CAMK2G: variants seen among roughly 807,000 people sequenced by gnomAD.
CAMK2G encodes calcium/calmodulin-dependent protein kinase type II subunit gamma.
CAMK2G carries 23 observed loss-of-function variants against 88.7 expected under a neutral mutation model. The observed-to-expected ratio is 0.26, with a 90% CI of 0.19 to 0.37. The LOEUF is 0.37. Ranked by LOEUF, CAMK2G falls within the 10% of genes least tolerant of loss-of-function variation. The pLI is 1.00. For missense variants in CAMK2G, 476 were observed against 780.8 expected (o/e 0.61, Z 4.65); for synonymous variants, 263 against 294.8 (o/e 0.89, Z 1.11).
intron 10 of CAMK2G, among the ~76,000 whole-genome samples, chr10:73,843,430 T>A (rs1302807106): frequency 4.6e-5 from 7 of 152,082 alleles, no homozygotes; most frequent in Admixed American, 3.3e-4. Flanking sequence ...TTAAACAGAG[T>A]CCATGGGACA....
At chr10:73,822,585 T>TC (rs2089339195) in intron 17 of CAMK2G, among the ~76,000 whole-genome samples, 1 of 152,210 alleles carries the variant, frequency 6.6e-6, no homozygotes, top group African/African-American at 2.4e-5. Context: ...AAATGCAAAC[T>TC]CCTACAAGGG....
chr10:73,834,729 A>G (rs555078246), intron 14 of CAMK2G, among the ~76,000 whole-genome samples: 8 of 152,352 alleles, frequency 5.3e-5, no homozygotes, highest in African/African-American at 1.9e-4. Context: ...CCTCCAGAAC[A>G]TGAATTCCAA....
chr10:73,837,787 C>T (rs1015059511), intron 13 of CAMK2G, among the ~76,000 whole-genome samples: 1 of 152,136 alleles, frequency 6.6e-6, no homozygotes, highest in Admixed American at 6.5e-5. Context: ...ACTGGAGCCG[C>T]CTGGGGCACT....
At chr10:73,856,410 T>C (rs1252658099) in intron 3 of CAMK2G, among the ~76,000 whole-genome samples, 2 of 152,226 alleles carry the variant, frequency 1.3e-5, no homozygotes, top group African/African-American at 4.8e-5. Context: ...GTGGCCATTC[T>C]GACTGGCTCG....
At chr10:73,832,693 G>C (rs531513744) in intron 14 of CAMK2G, among the ~76,000 whole-genome samples, 2 of 152,282 alleles carry the variant, frequency 1.3e-5, no homozygotes, top group African/African-American at 2.4e-5. Context: ...CTACGGTCAT[G>C]AAAATTAATA....
chr10:73,849,129 A>C lies in CAMK2G; in HGVS notation c.415-14T>G. 2 of 1,609,686 alleles carry C rather than the reference A, an allele frequency of 1.2e-6. No individual in the cohort carries two copies. Among genetic ancestry groups the C allele is most frequent in the Non-Finnish European group, 1.7e-6 (2 of 1,175,950 alleles). ...CAGGTTCTCAGGCTGCAGAAGAAAC[A>C]CAGAGAACCTTGTGAGCACCCACCC... On this transcript the variant is annotated splice_polypyrimidine_tract_variant and intron_variant, in intron 6 of 22. Coordinates refer to ENST00000423381, the MANE Select transcript of CAMK2G (RefSeq NM_001367534.1).
At chr10:73,867,600 G>A (rs891982530) in intron 2 of CAMK2G, among the ~76,000 whole-genome samples, 3 of 152,190 alleles carry the variant, frequency 2.0e-5, no homozygotes, top group Non-Finnish European at 4.4e-5. Context: ...GGCTGCTGCT[G>A]ATAGGGCCCA....
intron 2 of CAMK2G, among the ~76,000 whole-genome samples, chr10:73,863,754 G>A (rs895776085): frequency 7.9e-5 from 12 of 152,218 alleles, no homozygotes; most frequent in African/African-American, 2.7e-4. Context: ...TGAGTGGAGA[G>A]AAGATACACA....
At chr10:73,854,867 C>T (rs192848831) in intron 3 of CAMK2G, among the ~76,000 whole-genome samples, 12 of 152,274 alleles carry the variant, frequency 7.9e-5, no homozygotes, top group Non-Finnish European at 1.6e-4. Context: ...AGACTGTTTC[C>T]GCATCCCATT....
chr10:73,831,432 G>A (rs2092411760), intron 14 of CAMK2G, among the ~76,000 whole-genome samples: 1 of 151,508 alleles, frequency 6.6e-6, no homozygotes, highest in African/African-American at 2.4e-5. Context: ...CAGCTACTTG[G>A]GAGGCTGAGG....
At position 73,848,106 on chromosome 10, in the gene CAMK2G, A is replaced by T. The variant is rs372728029; in HGVS notation, c.602-24T>A. On this transcript the variant is annotated intron_variant, in intron 8 of 22. Transcript: ENST00000423381. This position sits in a 1 kb window ranked among gnomAD's most constrained non-coding sequence, Gnocchi z 4.5. ...CCCTACGAGACAGAACACACAGGTCATGGGGGTCAGTCGCCTACTTCCCTG... is the reference window on the plus strand; with the variant it reads ...CCCTACGAGACAGAACACACAGGTCTTGGGGGTCAGTCGCCTACTTCCCTG... The T allele has an allele frequency of 7.1e-7, 1 of 1,411,148 alleles. No individual in the cohort carries two copies. The highest frequency in any genetic ancestry group is 2.3e-5 in the East Asian group (1 of 43,924). The allele number at this position is 1,411,148 out of a possible 1,614,324, so 87.4% of individuals were successfully genotyped here.
intron 3 of CAMK2G, 138 bp from the exon 4 acceptor site, chr10:73,853,384 G>A (rs1367411713): frequency 1.4e-5 from 10 of 728,062 alleles, no homozygotes; most frequent in Admixed American, 4.8e-5. Flanking sequence ...GGGAAGTGGC[G>A]ACGTGCCCAG....
chr10:73,865,505 C>G (rs1419384871), intron 2 of CAMK2G, among the ~76,000 whole-genome samples: 1 of 152,242 alleles, frequency 6.6e-6, no homozygotes, highest in Non-Finnish European at 1.5e-5. Context: ...CCTGTCTCTT[C>G]CCCTGACACT....
chr10:73,827,405 T>C (rs2091301501), intron 15 of CAMK2G, among the ~76,000 whole-genome samples: 1 of 152,184 alleles, frequency 6.6e-6, no homozygotes, highest in South Asian at 2.1e-4. Context: ...GGTCTTGATC[T>C]CCTGACCTTG....
intron 22 of CAMK2G, chr10:73,814,708 C>T: frequency 2.6e-6 from 1 of 378,696 alleles, no homozygotes; most frequent in Non-Finnish European, 4.9e-6. Context: ...TTACTTAATC[C>T]TCACAATGAT....
intron 14 of CAMK2G, among the ~76,000 whole-genome samples, chr10:73,829,940 A>C (rs1473664503): frequency 6.6e-6 from 1 of 152,190 alleles, no homozygotes; most frequent in Non-Finnish European, 1.5e-5. Context: ...CTTGCACTGA[A>C]TCACGGCAGC....
chr10:73,839,585 G>T lies in CAMK2G; in HGVS notation c.963C>A (p.Ser321=). Reference sequence around the variant, plus strand: ...CGCTCGCGGCAGGCGAGGCGGGGGCGGAGCTCTGCCTGCCAACTGAGGGGA... The same window carrying T: ...CGCTCGCGGCAGGCGAGGCGGGGGCTGAGCTCTGCCTGCCAACTGAGGGGA... The part of the protein sequence containing the change: ...SRNFSVGRQS[S]APASPAASAA... Residue 321 remains serine, a synonymous_variant, in exon 13 of 23, where the codon TCC becomes TCA. Coordinates refer to ENST00000423381, the MANE Select transcript of CAMK2G (RefSeq NM_001367534.1). The surrounding 1 kb of genome is among the most constrained non-coding windows in gnomAD (Gnocchi z 4.2). The T allele has an allele frequency of 2.4e-6, 3 of 1,233,636 alleles. No individual in the cohort carries two copies. Among genetic ancestry groups the T allele is most frequent in the Non-Finnish European group, 3.0e-6 (3 of 987,400 alleles). 76.4% of individuals were successfully genotyped at this position (1,233,636 alleles called of 1,614,324 possible).
chr10:73,848,490 T>C lies in CAMK2G; in HGVS notation c.601+36A>G, dbSNP rs1296379799. ...GCCATCATCGGAAGTTGAGGGCCCTTAACAGCGAAAAGCTGAGAGCGTGGA... is the reference window on the plus strand; with the variant it reads ...GCCATCATCGGAAGTTGAGGGCCCTCAACAGCGAAAAGCTGAGAGCGTGGA... On this transcript the variant is annotated intron_variant, in intron 8 of 22. Transcript: ENST00000423381. The surrounding 1 kb of genome is among the most constrained non-coding windows in gnomAD (Gnocchi z 4.5). 1 of 1,417,534 alleles carries C rather than the reference T, an allele frequency of 7.1e-7. No homozygotes were observed. The highest frequency in any genetic ancestry group is 1.7e-5 in the Admixed American group (1 of 59,230). 87.8% of individuals were successfully genotyped at this position (1,417,534 alleles called of 1,614,324 possible). A position where few individuals can be genotyped will look rare whatever the true frequency, so the allele number is the denominator to read the frequency against.
At chr10:73,860,267 C>T (rs565990021) in intron 3 of CAMK2G, among the ~76,000 whole-genome samples, 1 of 152,306 alleles carries the variant, frequency 6.6e-6, no homozygotes, top group Admixed American at 6.5e-5. Context: ...AGGGTGGGAG[C>T]AGGGAGAAAT....
Sources: allele counts gnomAD v4.1 joint callset (sites outside exome capture counted in the v4.1 genomes callset), GRCh38; gene constraint gnomAD v4.1.1; non-coding constraint Gnocchi (gnomAD v3.1); transcripts MANE v1.5; gene names NCBI Gene and HGNC (gene_info 2026-07-23, HGNC 2026-07-21).